The following IBA57 variants were observed in gnomAD, a reference collection of about 807,000 sequenced individuals.
IBA57 encodes iron-sulfur cluster assembly factor IBA57, mitochondrial.
In IBA57, 20 loss-of-function variants were observed where a neutral mutation model predicts 20.4. That is an observed-to-expected ratio of 0.98 (90% CI 0.69 to 1.42). The LOEUF (loss-of-function observed/expected upper bound fraction) is 1.42, where lower values mean the gene tolerates loss of function less well. Among genes scored for constraint, IBA57 ranks in the 40% most tolerant of loss-of-function variants. The probability of loss-of-function intolerance (pLI) is 0.00; values close to 1 mark genes in which losing one functional copy is unlikely to be tolerated. For missense variants in IBA57, 608 were observed against 499.3 expected (o/e 1.22, Z -2.07); for synonymous variants, 310 against 233.9 (o/e 1.33, Z -2.97).
intron 1 of IBA57, among the ~76,000 whole-genome samples, chr1:228,169,555 C>T (rs1390985865): frequency 6.6e-6 from 1 of 152,188 alleles, no homozygotes; most frequent in East Asian, 1.9e-4. Flanking sequence ...GCCATCATCA[C>T]TTGGAGTACA....
chr1:228,170,010 G>A lies in IBA57; in HGVS notation c.341+3853G>A, dbSNP rs1237713302. ...GCCTCCTGAGTAGCTGGGATTACAGGCATGCACCACCACGCCCAGCTAATT... is the reference window on the plus strand; with the variant it reads ...GCCTCCTGAGTAGCTGGGATTACAGACATGCACCACCACGCCCAGCTAATT... On this transcript the variant is annotated intron_variant, in intron 1 of 2. Coordinates refer to ENST00000366711, the MANE Select transcript of IBA57 (RefSeq NM_001010867.4). The surrounding 1 kb of genome is among the most constrained non-coding windows in gnomAD (Gnocchi z 4.8). 6.6e-6 allele frequency among the ~76,000 whole-genome samples: 1 copy of A among 152,100 alleles called. No homozygotes were observed. The highest frequency in any genetic ancestry group is 1.5e-5 in the Non-Finnish European group (1 of 68,036).
At chr1:228,168,021 C>T (rs984417382) in intron 1 of IBA57, among the ~76,000 whole-genome samples, 3 of 152,142 alleles carry the variant, frequency 2.0e-5, no homozygotes, top group Non-Finnish European at 4.4e-5. Context: ...CAATTGAATT[C>T]CTATTCTTAA....
At chr1:228,169,517 G>A (rs539132914) in intron 1 of IBA57, among the ~76,000 whole-genome samples, 30 of 152,058 alleles carry the variant, frequency 2.0e-4, no homozygotes, top group African/African-American at 6.3e-4. Context: ...TGCTATTTTC[G>A]TCACAACTGA....
intron 1 of IBA57, among the ~76,000 whole-genome samples, chr1:228,167,884 C>T (rs1239392326): frequency 6.6e-6 from 1 of 152,242 alleles, no homozygotes; most frequent in African/African-American, 2.4e-5. Context: ...CTTTGATTCT[C>T]TGGAGCCTTC....
In IBA57 at chr1:228,179,326, A is replaced by G. The variant is rs2035073368; in HGVS notation, c.*3813A>G. ...CTATAAAAATGACCAAGCAGATTTT[A>G]AAAAGAGAACTTGTTGAAATAAAAA... On this transcript the variant is annotated 3_prime_UTR_variant, in exon 3 of 3. Coordinates refer to ENST00000366711, the MANE Select transcript of IBA57 (RefSeq NM_001010867.4). 6.6e-6 allele frequency: 1 copy of G among 152,234 alleles called. No individual in the cohort carries two copies. Among genetic ancestry groups the G allele is most frequent in the African/African-American group, 2.4e-5 (1 of 41,460 alleles). The allele number at this position is 152,234 out of a possible 1,614,324, so 9.4% of individuals were successfully genotyped here.
At position 228,176,759 on chromosome 1, in the gene IBA57, G is replaced by A. The variant is rs753402079; in HGVS notation, c.*1246G>A. The A allele has an allele frequency of 1.3e-5, 2 of 152,346 alleles. No individual in the cohort carries two copies. Among genetic ancestry groups the A allele is most frequent in the Non-Finnish European group, 2.9e-5 (2 of 68,130 alleles). The allele number at this position is 152,346 out of a possible 1,614,324, so 9.4% of individuals were successfully genotyped here. ...AATCTGCAGCCATGGCGGTTTTGGGGTCAGGGGTCTAAAGGCAGCTCTGAG... is the reference window on the plus strand; with the variant it reads ...AATCTGCAGCCATGGCGGTTTTGGGATCAGGGGTCTAAAGGCAGCTCTGAG... On this transcript the variant is annotated 3_prime_UTR_variant, in exon 3 of 3. Transcript: ENST00000366711.
Position 228,165,953 on chromosome 1 carries a change from C to A in IBA57, c.137C>A (p.Ala46Glu). The A allele has an allele frequency of 6.7e-7, 1 of 1,503,696 alleles. No individual in the cohort carries two copies. Among genetic ancestry groups the A allele is most frequent in the Non-Finnish European group, 8.8e-7 (1 of 1,133,848 alleles). The allele number at this position is 1,503,696 out of a possible 1,614,324, so 93.1% of individuals were successfully genotyped here. The stretch of plus-strand genomic sequence containing the variant: ...CCTGGTGGCGACCCAACGGCCGGAG[C>A]GGCCTGGGCCTGCTTCCGGCTGGAC... Reference protein sequence around the residue: ...CSPGGDPTAGAAWACFRLDGR... With the variant: ...CSPGGDPTAGEAWACFRLDGR... The change falls in exon 1 of 3, where the codon GCG becomes GAG. Residue 46 changes from alanine to glutamate, a missense_variant. Ala to Glu is a moderately radical substitution (Grantham distance 107, BLOSUM62 -1). Transcript: ENST00000366711.
At position 228,170,017 on chromosome 1, in the gene IBA57, C is replaced by T. The variant is rs1468764583; in HGVS notation, c.341+3860C>T. On this transcript the variant is annotated intron_variant, in intron 1 of 2. Coordinates refer to ENST00000366711, the MANE Select transcript of IBA57 (RefSeq NM_001010867.4). This position sits in a 1 kb window ranked among gnomAD's most constrained non-coding sequence, Gnocchi z 4.8. Reference sequence around the variant, plus strand: ...GAGTAGCTGGGATTACAGGCATGCACCACCACGCCCAGCTAATTTTTGTAT... The same window carrying T: ...GAGTAGCTGGGATTACAGGCATGCATCACCACGCCCAGCTAATTTTTGTAT... Among the ~76,000 whole-genome samples, 1 of 152,112 alleles carries T rather than the reference C, an allele frequency of 6.6e-6. No individual in the cohort carries two copies. The highest frequency in any genetic ancestry group is 1.5e-5 in the Non-Finnish European group (1 of 68,040).
In IBA57 at chr1:228,177,148, C is replaced by G. The variant is rs538702558; in HGVS notation, c.*1635C>G. On this transcript the variant is annotated 3_prime_UTR_variant, in exon 3 of 3. Transcript: ENST00000366711. ...GAGTGGGTGCCTGTGGCCTGTGTCA[C>G]CAAGAGCTGGTGTCTCCTGCATGAG... 5.9e-5 allele frequency: 9 copies of G among 152,306 alleles called. No individual in the cohort carries two copies. Among genetic ancestry groups the G allele is most frequent in the African/African-American group, 1.9e-4 (8 of 41,456 alleles). The allele number at this position is 152,306 out of a possible 1,614,324, so 9.4% of individuals were successfully genotyped here.
chr1:228,178,200 G>T lies in IBA57; in HGVS notation c.*2687G>T, dbSNP rs1232516714. On this transcript the variant is annotated 3_prime_UTR_variant, in exon 3 of 3. Coordinates refer to ENST00000366711, the MANE Select transcript of IBA57 (RefSeq NM_001010867.4). ...AGCTCCTGGTTATGAGGCAGGACGT[G>T]TGGTGTTTGACTGTCTGTTTCTGAG... 6.6e-6 allele frequency: 1 copy of T among 152,246 alleles called. No individual in the cohort carries two copies. Among genetic ancestry groups the T allele is most frequent in the African/African-American group, 2.4e-5 (1 of 41,452 alleles). The allele number at this position is 152,246 out of a possible 1,614,324, so 9.4% of individuals were successfully genotyped here.
At position 228,166,045 on chromosome 1, in the gene IBA57, G is replaced by A. The variant is rs771299522; in HGVS notation, c.229G>A (p.Glu77Lys). The change falls in exon 1 of 3, where the codon GAA (glutamate) becomes AAA (lysine). Residue 77 changes from glutamate to lysine, a missense_variant. By Grantham distance (56) the Glu-to-Lys change is moderately conservative. Transcript: ENST00000366711. ...CTTCCTGCTAGGGCTGCTGACCAAT[G>A]AACTGCCGCTTCCGAGTCCTGCGGC... ...APFLLGLLTN[E>K]LPLPSPAAAG... The A allele has an allele frequency of 1.3e-6, 2 of 1,538,358 alleles. No individual in the cohort carries two copies. The highest frequency in any genetic ancestry group is 1.7e-6 in the Non-Finnish European group (2 of 1,147,530).
In IBA57 at chr1:228,175,887, G is replaced by T. The variant is rs1222569192; in HGVS notation, c.*374G>T. On this transcript the variant is annotated 3_prime_UTR_variant, in exon 3 of 3. Transcript: ENST00000366711. ...CCACTCTGCCTGGCATGAGCCTCATGGGGGGTTGGTCCCTGTGCCTGGAAG... is the reference window on the plus strand; with the variant it reads ...CCACTCTGCCTGGCATGAGCCTCATTGGGGGTTGGTCCCTGTGCCTGGAAG... The T allele has an allele frequency of 1.6e-5, 3 of 188,824 alleles. No individual in the cohort carries two copies. In the East Asian group the frequency reaches 4.4e-4, roughly 28 times the overall value. The allele number at this position is 188,824 out of a possible 1,614,324, so 11.7% of individuals were successfully genotyped here. A position where few individuals can be genotyped will look rare whatever the true frequency, so the allele number is the denominator to read the frequency against.
Position 228,178,061 on chromosome 1 carries a change from G to C in IBA57, c.*2548G>C, listed in dbSNP as rs1036387247. The C allele has an allele frequency of 6.6e-6, 1 of 152,078 alleles. No individual in the cohort carries two copies. The highest frequency in any genetic ancestry group is 1.5e-5 in the Non-Finnish European group (1 of 68,054). 9.4% of individuals were successfully genotyped at this position (152,078 alleles called of 1,614,324 possible). ...GCATAAGGTGCAGTTGTGTTATGTG[G>C]GTATAGTGCATGGTGGTGCAGTCTG... On this transcript the variant is annotated 3_prime_UTR_variant, in exon 3 of 3. Transcript: ENST00000366711.
rs1393599642 is a variant in IBA57 at position 228,178,748 on chromosome 1, A to G, written c.*3235A>G. 3 of 152,228 alleles carry G rather than the reference A, an allele frequency of 2.0e-5. No individual in the cohort carries two copies. The allele number at this position is 152,228 out of a possible 1,614,324, so 9.4% of individuals were successfully genotyped here. A position where few individuals can be genotyped will look rare whatever the true frequency, so the allele number is the denominator to read the frequency against. On this transcript the variant is annotated 3_prime_UTR_variant, in exon 3 of 3. Coordinates refer to ENST00000366711, the MANE Select transcript of IBA57 (RefSeq NM_001010867.4). The stretch of plus-strand genomic sequence containing the variant: ...AAAATCATTATCATCATCATCTTCT[A>G]ATCCCCAAGGAGACAAGCTCCCTGT...
Position 228,166,079 on chromosome 1 carries a change from C to A in IBA57, c.263C>A (p.Ala88Asp). Residue 88 changes from alanine to aspartate, a missense_variant, in exon 1 of 3, where the codon GCC becomes GAC. Ala to Asp is a moderately radical substitution (Grantham distance 126). Transcript: ENST00000366711. ...CTTCCGAGTCCTGCGGCCGCGGGGG[C>A]CCCGCCTGCTGCGCGCGCGGGCTAC... Reference protein sequence around the residue: ...LPLPSPAAAGAPPAARAGYAH... With the variant: ...LPLPSPAAAGDPPAARAGYAH... 6.5e-7 allele frequency: 1 copy of A among 1,537,182 alleles called. No homozygotes were observed. The highest frequency in any genetic ancestry group is 8.7e-7 in the Non-Finnish European group (1 of 1,144,726).
In IBA57 at chr1:228,180,371, A is replaced by G. The variant is rs1311510619; in HGVS notation, c.*4858A>G. 2 of 151,938 alleles carry G rather than the reference A, an allele frequency of 1.3e-5. No individual in the cohort carries two copies. Among genetic ancestry groups the G allele is most frequent in the Non-Finnish European group, 2.9e-5 (2 of 68,010 alleles). 9.4% of individuals were successfully genotyped at this position (151,938 alleles called of 1,614,324 possible). On this transcript the variant is annotated 3_prime_UTR_variant, in exon 3 of 3. Transcript: ENST00000366711. The stretch of plus-strand genomic sequence containing the variant: ...GGCATGTCTAAAACACCACATCTAG[A>G]AGCTTCTACTTAGAATGCCTACTTT...
Position 228,170,515 on chromosome 1 carries a change from A to C in IBA57, c.342-4177A>C, listed in dbSNP as rs2034909221. On this transcript the variant is annotated intron_variant, in intron 1 of 2. Coordinates refer to ENST00000366711, the MANE Select transcript of IBA57 (RefSeq NM_001010867.4). This position sits in a 1 kb window ranked among gnomAD's most constrained non-coding sequence, Gnocchi z 4.8. ...ACTATGTTGCTCGGGCTGGTCTTGA[A>C]CTCCTGGGCTCAGGCGATTCTCCTG... Among the ~76,000 whole-genome samples the C allele has an allele frequency of 1.3e-5, 2 of 149,154 alleles. No homozygotes were observed. Among genetic ancestry groups the C allele is most frequent in the African/African-American group, 5.0e-5 (2 of 40,310 alleles).
In IBA57 at chr1:228,180,680, A is replaced by T. The variant is rs1320526719; in HGVS notation, c.*5167A>T. 2.0e-5 allele frequency: 3 copies of T among 150,312 alleles called. No individual in the cohort carries two copies. The highest frequency in any genetic ancestry group is 4.4e-5 in the Non-Finnish European group (3 of 67,592). The allele number at this position is 150,312 out of a possible 1,614,324, so 9.3% of individuals were successfully genotyped here. On this transcript the variant is annotated 3_prime_UTR_variant, in exon 3 of 3. Coordinates refer to ENST00000366711, the MANE Select transcript of IBA57 (RefSeq NM_001010867.4). ...TTTTTTTTTTTTGAGACAGAGTCTC[A>T]CTCTTGCCCAGGCTGGAGTGGAGTG...
intron 1 of IBA57, among the ~76,000 whole-genome samples, chr1:228,169,112 C>T (rs1424535664): frequency 6.6e-6 from 1 of 152,076 alleles, no homozygotes; most frequent in Non-Finnish European, 1.5e-5. Flanking sequence ...TGTCGGGCTG[C>T]TGTTGGCTGT....
Sources: gnomAD v4.1 joint callset for allele counts (sites outside exome capture counted in the v4.1 genomes callset) on GRCh38, gnomAD v4.1.1 for gene constraint, Gnocchi (gnomAD v3.1) non-coding constraint, MANE v1.5 for transcripts, NCBI Gene and HGNC (gene_info 2026-07-23, HGNC 2026-07-21) for gene names.